USH2A: variants seen among roughly 807,000 people sequenced by gnomAD.
USH2A encodes the protein Usher syndrome 2A (autosomal recessive, mild).
USH2A carries 443 observed loss-of-function variants against 538.9 expected under a neutral mutation model. The observed-to-expected ratio is 0.82, with a 90% CI of 0.76 to 0.89. The LOEUF (loss-of-function observed/expected upper bound fraction) is 0.89, where lower values mean the gene tolerates loss of function less well. Among genes scored for constraint, USH2A ranks in the 40% least tolerant of loss-of-function variants. The pLI, the probability that USH2A is intolerant of heterozygous loss-of-function variation, is 0.00. For missense variants in USH2A, 6,633 were observed against 6,324.8 expected (o/e 1.05, Z -1.65); for synonymous variants, 2,413 against 2,273.5 (o/e 1.06, Z -1.75).
intron 21 of USH2A, among the ~76,000 whole-genome samples, chr1:216,110,566 T>A (rs2032841659): frequency 6.6e-6 from 1 of 152,212 alleles, no homozygotes; most frequent in Non-Finnish European, 1.5e-5. Flanking sequence ...AAGAAAGGCA[T>A]AATACTTACT....
chr1:215,666,104 C>A (rs754927578), intron 64 of USH2A, among the ~76,000 whole-genome samples: 1 of 152,150 alleles, frequency 6.6e-6, no homozygotes, highest in Non-Finnish European at 1.5e-5. Context: ...TAAAGCTAAT[C>A]CTCCAGAGTG....
At chr1:216,086,449 C>T (rs1385620753) in intron 24 of USH2A, among the ~76,000 whole-genome samples, 3 of 151,918 alleles carry the variant, frequency 2.0e-5, no homozygotes, top group African/African-American at 4.8e-5. Flanking sequence ...AAATAACATA[C>T]CTTTGACTGA....
intron 9 of USH2A, among the ~76,000 whole-genome samples, chr1:216,307,881 G>A (rs563816171): frequency 3.9e-5 from 6 of 152,300 alleles, no homozygotes; most frequent in Admixed American, 6.5e-5. Flanking sequence ...TATGTGTTCA[G>A]GGGTGGAAGA....
At position 215,798,990 on chromosome 1, in the gene USH2A, T is replaced by C. The variant is rs1243226250; in HGVS notation, c.9875A>G (p.Gln3292Arg). Residue 3292 changes from glutamine to arginine, a missense_variant, in exon 50 of 72, where the codon CAG (glutamine) becomes CGG (arginine). Physicochemically the swap from Gln to Arg is conservative, Grantham distance 43 (BLOSUM62 1). Transcript: ENST00000307340. Reference protein sequence around the residue: ...CAGRLHDGHGQKCCGRQIVSN... With the variant: ...CAGRLHDGHGRKCCGRQIVSN... The stretch of plus-strand genomic sequence containing the variant: ...CACAATCTGTCTGCCACAGCACTTC[T>C]GGCCATGGCCATCATGAAGCCTCCC... 5.0e-6 allele frequency: 8 copies of C among 1,614,046 alleles called. No individual in the cohort carries two copies. Among genetic ancestry groups the C allele is most frequent in the South Asian group, 4.4e-5 (4 of 91,090 alleles).
chr1:216,211,466 G>A (rs913861962), intron 15 of USH2A, among the ~76,000 whole-genome samples: 3 of 152,122 alleles, frequency 2.0e-5, no homozygotes, highest in African/African-American at 7.2e-5. Context: ...GAACAGAGGG[G>A]GAAAATGTTG....
chr1:215,770,169 G>A (rs752661743), intron 55 of USH2A, among the ~76,000 whole-genome samples: 19 of 152,006 alleles, frequency 1.2e-4, no homozygotes, highest in African/African-American at 3.1e-4. Flanking sequence ...TTTATTTAGC[G>A]TTGACTTCAC....
intron 20 of USH2A, 40 bp from the exon 21 acceptor site, chr1:216,175,522 T>C (rs778059364): frequency 1.9e-6 from 3 of 1,595,990 alleles, no homozygotes; most frequent in East Asian, 4.5e-5. Context: ...AAGAATTTGG[T>C]TTCTGTCTCT....
At chr1:216,245,889 G>A (rs765078282) in intron 13 of USH2A, among the ~76,000 whole-genome samples, 24 of 152,078 alleles carry the variant, frequency 1.6e-4, no homozygotes, top group Non-Finnish European at 2.6e-4. Context: ...TGGCTGACAG[G>A]ACAACAATTA....
intron 37 of USH2A, among the ~76,000 whole-genome samples, chr1:215,961,512 T>C (rs999911987): frequency 6.6e-6 from 1 of 151,232 alleles, no homozygotes; most frequent in African/African-American, 2.4e-5. Flanking sequence ...TCAGGACTTC[T>C]GGGGTAAAAT....
intron 13 of USH2A, among the ~76,000 whole-genome samples, chr1:216,243,623 T>C (rs2035976613): frequency 6.6e-6 from 1 of 152,128 alleles, no homozygotes; most frequent in African/African-American, 2.4e-5. Context: ...TAAATCTGCT[T>C]ACCCCTGGCT....
chr1:215,970,191 C>G (rs1667456697), intron 36 of USH2A, among the ~76,000 whole-genome samples: 1 of 152,146 alleles, frequency 6.6e-6, no homozygotes, highest in Admixed American at 6.6e-5. Context: ...ATGAGGTAAA[C>G]TCAACCTTTT....
At chr1:216,338,609 T>A (rs1320067892) in intron 4 of USH2A, among the ~76,000 whole-genome samples, 1 of 151,430 alleles carries the variant, frequency 6.6e-6, no homozygotes, top group African/African-American at 2.4e-5. Context: ...ATACAAAAAA[T>A]TTTAAAAGTC....
At chr1:215,676,077 TAC>T (rs1434743324) in intron 62 of USH2A, among the ~76,000 whole-genome samples, 2 of 152,200 alleles carry the variant, frequency 1.3e-5, no homozygotes, top group East Asian at 1.9e-4. Flanking sequence ...CATTTGTTGT[TAC>T]AGAGTGCCAG....
chr1:215,903,752 G>T (rs553287961), intron 38 of USH2A, among the ~76,000 whole-genome samples: 1 of 152,068 alleles, frequency 6.6e-6, no homozygotes, highest in African/African-American at 2.4e-5. Flanking sequence ...AAAAGCAAAG[G>T]CTCAGTGACA....
At chr1:215,634,362 T>C (rs191983843) in intron 70 of USH2A, 97 bp downstream of exon 70, 2 of 1,587,280 alleles carry the variant, frequency 1.3e-6, no homozygotes, top group East Asian at 2.2e-5. Context: ...TTACATCTAA[T>C]TCCTTGTTAC....
chr1:215,748,881 A>G (rs7522844), intron 58 of USH2A, among the ~76,000 whole-genome samples: 333 of 152,352 alleles, frequency 2.2e-3, no homozygotes, highest in African/African-American at 7.3e-3. Flanking sequence ...AATGGCTGAC[A>G]TCTCTACAAG....
intron 61 of USH2A, among the ~76,000 whole-genome samples, chr1:215,727,182 T>C (rs1401142221): frequency 6.6e-6 from 1 of 152,078 alleles, no homozygotes; most frequent in Non-Finnish European, 1.5e-5. Flanking sequence ...TATTTAAATA[T>C]ATACATAAAT....
At chr1:215,986,366 T>C (rs1667875327) in intron 35 of USH2A, among the ~76,000 whole-genome samples, 1 of 150,922 alleles carries the variant, frequency 6.6e-6, no homozygotes, top group African/African-American at 2.4e-5. Context: ...AGGCTGGTCT[T>C]GAACTCCCAG....
intron 30 of USH2A, among the ~76,000 whole-genome samples, chr1:216,050,904 C>T (rs949470513): frequency 6.6e-6 from 1 of 152,020 alleles, no homozygotes; most frequent in African/African-American, 2.4e-5. Flanking sequence ...TGTGCCCGGC[C>T]GGCCGACGCT....
Sources: gnomAD v4.1 joint callset for allele counts (sites outside exome capture counted in the v4.1 genomes callset) on GRCh38, gnomAD v4.1.1 for gene constraint, MANE v1.5 for transcripts, NCBI Gene and HGNC (gene_info 2026-07-23, HGNC 2026-07-21) for gene names.